Variants in MED12L observed in about 807,000 individuals in gnomAD.
The protein encoded by MED12L is mediator of RNA polymerase II transcription subunit 12-like protein.
Under a neutral mutation model 281.3 loss-of-function variants are expected in MED12L, and 60 were observed. That is an observed-to-expected ratio of 0.21 (90% confidence interval 0.17 to 0.26). The LOEUF (loss-of-function observed/expected upper bound fraction) is 0.26. Ranked by LOEUF, MED12L falls within the 10% of genes least tolerant of loss-of-function variation. The pLI is 1.00. For synonymous variants in MED12L, 974 were observed against 987.2 expected, an observed-to-expected ratio of 0.99 and a Z score of 0.25; for missense variants, 2,146 against 2,680.9, an observed-to-expected ratio of 0.80 and a Z score of 4.41.
intron 9 of MED12L, among the ~76,000 whole-genome samples, chr3:151,164,450 T>C (rs1337183639): frequency 6.6e-6 from 1 of 152,172 alleles, no homozygotes; most frequent in Non-Finnish European, 1.5e-5. Flanking sequence ...ATCCCTGTCT[T>C]GGGATCTAGA....
chr3:151,294,278 C>CT (rs1422190764), intron 16 of MED12L: 2 of 1,613,764 alleles, frequency 1.2e-6, no homozygotes, highest in African/African-American at 2.7e-5. Context: ...GAACAGCCTT[C>CT]TTGAAAATGA....
chr3:151,163,600 T>G (rs1017557608), intron 8 of MED12L, among the ~76,000 whole-genome samples: 6 of 152,224 alleles, frequency 3.9e-5, no homozygotes, highest in African/African-American at 1.4e-4. Context: ...GTGACGATTT[T>G]TAAGTGATGA....
chr3:151,372,833 C>G (rs1256033810), intron 27 of MED12L, 67 bp downstream of exon 27: 1 of 1,297,796 alleles, frequency 7.7e-7, no homozygotes, highest in Non-Finnish European at 1.1e-6. Flanking sequence ...GCTACTTACA[C>G]TTATAGGAAA....
chr3:151,184,786 G>A (rs894410955), intron 11 of MED12L, among the ~76,000 whole-genome samples: 3 of 152,118 alleles, frequency 2.0e-5, no homozygotes, highest in African/African-American at 4.8e-5. Context: ...GTCATTTTTC[G>A]TGTTTGTTAT....
At chr3:151,162,613 A>G (rs1720143606) in intron 8 of MED12L, among the ~76,000 whole-genome samples, 1 of 150,400 alleles carries the variant, frequency 6.6e-6, no homozygotes, top group Non-Finnish European at 1.5e-5. Flanking sequence ...TAATTTTTAA[A>G]TTTTTCTTAG....
At chr3:151,205,947 C>A (rs959992688) in intron 16 of MED12L, among the ~76,000 whole-genome samples, 1 of 152,092 alleles carries the variant, frequency 6.6e-6, no homozygotes, top group Non-Finnish European at 1.5e-5. Flanking sequence ...GACGCTCTTA[C>A]ATCAAAATAA....
chr3:151,164,485 C>T (rs1359343249), intron 9 of MED12L, among the ~76,000 whole-genome samples: 1 of 152,116 alleles, frequency 6.6e-6, no homozygotes, highest in Non-Finnish European at 1.5e-5. Flanking sequence ...TTGACCCAGC[C>T]ATCCCATTAC....
At chr3:151,165,577 T>G in intron 10 of MED12L, 58 bp downstream of exon 10, 1 of 1,438,914 alleles carries the variant, frequency 6.9e-7, no homozygotes, top group Non-Finnish European at 9.8e-7. Flanking sequence ...TGCTGTGTTT[T>G]TGCTTCTTAT....
intron 3 of MED12L, among the ~76,000 whole-genome samples, chr3:151,119,360 G>A (rs1049899906): frequency 6.6e-6 from 1 of 152,166 alleles, no homozygotes; most frequent in African/African-American, 2.4e-5. Context: ...CTGAAGGCTG[G>A]AAGTCCAAGA....
chr3:151,197,440 G>T (rs1411072779), intron 16 of MED12L, among the ~76,000 whole-genome samples: 1 of 152,068 alleles, frequency 6.6e-6, no homozygotes, highest in Non-Finnish European at 1.5e-5. Flanking sequence ...GAGCCACCAC[G>T]CCCGGCTGGA....
intron 16 of MED12L, among the ~76,000 whole-genome samples, chr3:151,220,691 G>A (rs1577012659): frequency 6.6e-6 from 1 of 152,300 alleles, no homozygotes; most frequent in Middle Eastern, 3.4e-3. Context: ...AGACATGCCT[G>A]TCACCTTCTG....
chr3:151,151,031 C>CTTGTTTTTTTTTTTTT (rs1718398683), intron 5 of MED12L, among the ~76,000 whole-genome samples: 2 of 32,880 alleles, frequency 6.1e-5, no homozygotes, highest in Admixed American at 4.0e-4. Flanking sequence ...GCTGAAGTAG[C>CTTGTTTTTTTTTTTTT]TTTTTTTTTT....
At position 151,389,633 on chromosome 3, in the gene MED12L, A is replaced by C. The variant is rs1713921393; in HGVS notation, c.5452-346A>C. Among the ~76,000 whole-genome samples, 3 of 152,216 alleles carry C rather than the reference A, an allele frequency of 2.0e-5. No homozygotes were observed. In the South Asian group the frequency reaches 6.2e-4, roughly 32 times the overall value. Reference sequence around the variant, plus strand: ...GATATTGGAAAGGCCTTCTAAGATGAAATGATCATGAGTCTTAGCAACTGA... The same window carrying C: ...GATATTGGAAAGGCCTTCTAAGATGCAATGATCATGAGTCTTAGCAACTGA... On this transcript the variant is annotated intron_variant, in intron 37 of 44. Coordinates refer to ENST00000687756, the MANE Select transcript of MED12L (RefSeq NM_001393769.1).
chr3:151,173,903 T>C (rs567732137), intron 11 of MED12L, among the ~76,000 whole-genome samples: 14 of 152,350 alleles, frequency 9.2e-5, no homozygotes, highest in South Asian at 6.2e-4. Flanking sequence ...CTTATCTGTA[T>C]GTTACTTTGA....
At chr3:151,122,553 C>T (rs7349478) in intron 3 of MED12L, among the ~76,000 whole-genome samples, 1 of 152,174 alleles carries the variant, frequency 6.6e-6, no homozygotes, top group Non-Finnish European at 1.5e-5. Context: ...AAAGGCTCTC[C>T]TTAACCCCCT....
rs1420197161 is a variant in MED12L at position 151,423,033 on chromosome 3, A to ATT, written c.6408+6614_6408+6615dup. On this transcript the variant is annotated intron_variant, in intron 43 of 44. Coordinates refer to ENST00000687756, the MANE Select transcript of MED12L (RefSeq NM_001393769.1). ...ATCATAAAAATATATATATATATAT[A>ATT]TTTTGAAACGGAGTCTTGCTCTGTC... Among the ~76,000 whole-genome samples, 119 of 146,024 alleles carry ATT rather than the reference A, an allele frequency of 8.1e-4. 1 individual carries two copies. Among genetic ancestry groups the ATT allele is most frequent in the African/African-American group, 2.8e-3 (110 of 39,922 alleles).
At chr3:151,130,693 A>G (rs1032565054) in intron 5 of MED12L, among the ~76,000 whole-genome samples, 3 of 152,156 alleles carry the variant, frequency 2.0e-5, no homozygotes, top group Non-Finnish European at 2.9e-5. Flanking sequence ...GTGGGTGCAC[A>G]TGGGCCTGCT....
chr3:151,152,085 G>GTTTTTTT lies in MED12L; in HGVS notation c.557-4051_557-4045dup, dbSNP rs141353889. Among the ~76,000 whole-genome samples, 44 of 63,022 alleles carry GTTTTTTT rather than the reference G, an allele frequency of 7.0e-4. 4 individuals carry two copies. Among genetic ancestry groups the GTTTTTTT allele is most frequent in the African/African-American group, 2.1e-3 (33 of 16,012 alleles). The allele number at this position is 63,022 out of a possible 152,430, so 41.3% of individuals were successfully genotyped here. ...AAGAATTGTGGATCAGTTGAAGGTG[G>GTTTTTTT]TTTTTTTTTTTTTTTTTTTTTTTTT... On this transcript the variant is annotated intron_variant, in intron 5 of 44. Coordinates refer to ENST00000687756, the MANE Select transcript of MED12L (RefSeq NM_001393769.1).
intron 13 of MED12L, among the ~76,000 whole-genome samples, chr3:151,189,122 A>G (rs909036993): frequency 2.0e-5 from 3 of 152,224 alleles, no homozygotes; most frequent in Non-Finnish European, 2.9e-5. Context: ...TAACAGAAAA[A>G]TGGCAAAAAG....
Sources: gnomAD v4.1 joint callset for allele counts (sites outside exome capture counted in the v4.1 genomes callset) on GRCh38, gnomAD v4.1.1 for gene constraint, MANE v1.5 for transcripts, NCBI Gene and HGNC (gene_info 2026-07-23, HGNC 2026-07-21) for gene names.